PLEKHS1: variants seen among roughly 807,000 people sequenced by gnomAD.
PLEKHS1 encodes the protein pleckstrin homology domain containing S1.
In PLEKHS1, 55 loss-of-function variants were observed where a neutral mutation model predicts 51.0. The observed-to-expected ratio is 1.08, with a 90% CI of 0.87 to 1.35. PLEKHS1 has a LOEUF of 1.35. Among genes scored for constraint, PLEKHS1 ranks in the 40% most tolerant of loss-of-function variants. The pLI, the probability that PLEKHS1 is intolerant of heterozygous loss-of-function variation, is 0.00. For missense variants in PLEKHS1, 398 were observed against 423.0 expected (o/e 0.94, Z 0.52); for synonymous variants, 153 against 144.8 (o/e 1.06, Z -0.41).
chr10:113,778,042 T>C, intron 11 of PLEKHS1: 1 of 214,490 alleles, frequency 4.7e-6, no homozygotes, highest in Non-Finnish European at 9.6e-6. Context: ...ATGCACTAAG[T>C]ATGTTGTTTT....
intron 8 of PLEKHS1, 112 bp from the exon 9 acceptor site, chr10:113,774,115 C>T: frequency 1.6e-6 from 1 of 634,794 alleles, no homozygotes; most frequent in Non-Finnish European, 2.7e-6. Context: ...CACGTTCATC[C>T]ACTGGAAACT....
At chr10:113,763,367 G>C (rs1190146851) in intron 2 of PLEKHS1, among the ~76,000 whole-genome samples, 2 of 152,094 alleles carry the variant, frequency 1.3e-5, no homozygotes, top group African/African-American at 4.8e-5. Context: ...GCATAGAGTT[G>C]AGTCTTGCTT....
At chr10:113,765,948 G>T (rs535508824) in intron 2 of PLEKHS1, among the ~76,000 whole-genome samples, 1 of 152,294 alleles carries the variant, frequency 6.6e-6, no homozygotes, top group East Asian at 1.9e-4. Context: ...GTAATTCTGG[G>T]GAGGTGGCTG....
At position 113,760,094 on chromosome 10, in the gene PLEKHS1, T is replaced by G. The variant is rs117193832; in HGVS notation, c.28+4789T>G. 7.7e-3 allele frequency among the ~76,000 whole-genome samples: 1,167 copies of G among 152,328 alleles called. 18 individuals carry two copies. Among genetic ancestry groups the G allele is most frequent in the Non-Finnish European group, 8.1e-3 (553 of 68,022 alleles). On this transcript the variant is annotated intron_variant, in intron 2 of 11. Coordinates refer to ENST00000361048, the Ensembl canonical transcript of PLEKHS1. ...CCTATATGTTAGTTTGTATAGAACT[T>G]TATATAATCATGCAGTATGAACACT...
chr10:113,775,975 G>T lies in PLEKHS1; in HGVS notation c.1091+109G>T, dbSNP rs145922422. 9.1e-4 allele frequency: 682 copies of T among 747,332 alleles called. 2 individuals are homozygous for T. The African/African-American group carries it at 0.011, about 12-fold the overall frequency. The allele number at this position is 747,332 out of a possible 1,614,324, so 46.3% of individuals were successfully genotyped here. On this transcript the variant is annotated intron_variant, in intron 11 of 11. Coordinates refer to ENST00000361048, the Ensembl canonical transcript of PLEKHS1. The stretch of plus-strand genomic sequence containing the variant: ...TGGCAACACTGACTAGGTTTGGGGC[G>T]GGGGAGCTTGGACTGTTGACTGGCT...
exon 3 of PLEKHS1, chr10:113,766,499 G>A (rs1448028997): frequency 2.5e-6 from 4 of 1,599,910 alleles, no homozygotes; most frequent in African/African-American, 2.7e-5. Flanking sequence ...TCTCCTCTGT[G>A]GTAAGTATTT....
intron 2 of PLEKHS1, among the ~76,000 whole-genome samples, chr10:113,757,271 CTATTA>C (rs2134471517): frequency 6.6e-6 from 1 of 152,196 alleles, no homozygotes; most frequent in Admixed American, 6.5e-5. Context: ...ATACAATAAG[CTATTA>C]TATATCTAAA....
intron 11 of PLEKHS1, among the ~76,000 whole-genome samples, chr10:113,776,250 A>C (rs1173829550): frequency 6.6e-6 from 1 of 152,182 alleles, no homozygotes; most frequent in Non-Finnish European, 1.5e-5. Flanking sequence ...TAAAAGAAGA[A>C]AGCACATCAG....
At chr10:113,755,275 A>T (rs1564814801) in exon 2 of PLEKHS1, 1 of 1,608,630 alleles carries the variant, frequency 6.2e-7, no homozygotes, top group Non-Finnish European at 8.5e-7. Context: ...ACACACAGCC[A>T]TCATGGAACC....
intron 2 of PLEKHS1, among the ~76,000 whole-genome samples, chr10:113,757,677 C>T (rs571669978): frequency 6.6e-6 from 1 of 152,280 alleles, no homozygotes; most frequent in Non-Finnish European, 1.5e-5. Flanking sequence ...ATGAAGTTGA[C>T]CACATCGATT....
chr10:113,752,241 T>C (rs984138832), intron 1 of PLEKHS1, among the ~76,000 whole-genome samples: 1 of 152,222 alleles, frequency 6.6e-6, no homozygotes, highest in African/African-American at 2.4e-5. Flanking sequence ...GATAACCATT[T>C]CCTCGTCTGT....
intron 2 of PLEKHS1, among the ~76,000 whole-genome samples, chr10:113,759,475 C>G (rs1843819101): frequency 6.6e-6 from 1 of 152,212 alleles, no homozygotes. Context: ...GTTCTGTTTT[C>G]TCTCACTGTA....
Position 113,755,222 on chromosome 10 carries a change from T to C in PLEKHS1, c.-19-37T>C, listed in dbSNP as rs932459703. ...GCTGGTCAATGAAACACACGTAGTG[T>C]TGTTTGGGGACTAACACTAACCCTT... On this transcript the variant is annotated intron_variant, in intron 1 of 11. Coordinates refer to ENST00000361048, the Ensembl canonical transcript of PLEKHS1. 7 of 1,571,042 alleles carry C rather than the reference T, an allele frequency of 4.5e-6. No individual in the cohort carries two copies. The African/African-American group carries it at 9.6e-5, about 22-fold the overall frequency.
chr10:113,755,452 C>T (rs1216942123), intron 2 of PLEKHS1, 147 bp downstream of exon 2: 8 of 1,369,650 alleles, frequency 5.8e-6, no homozygotes, highest in East Asian at 5.8e-5. Flanking sequence ...TGCTCTGTTG[C>T]GTAGGCTGGA....
intron 11 of PLEKHS1, among the ~76,000 whole-genome samples, chr10:113,778,831 A>G (rs1391616220): frequency 6.6e-6 from 1 of 151,874 alleles, no homozygotes; most frequent in Non-Finnish European, 1.5e-5. Context: ...TTTTAGTAGA[A>G]ACAGGGTTTC....
intron 2 of PLEKHS1, among the ~76,000 whole-genome samples, chr10:113,760,480 A>T (rs958033151): frequency 6.6e-6 from 1 of 152,238 alleles, no homozygotes; most frequent in Admixed American, 6.5e-5. Flanking sequence ...ATCTCAAAAA[A>T]AAAAGAAAAA....
intron 6 of PLEKHS1, among the ~76,000 whole-genome samples, chr10:113,769,298 C>T (rs1329998458): frequency 1.3e-5 from 2 of 152,168 alleles, no homozygotes; most frequent in Non-Finnish European, 2.9e-5. Flanking sequence ...CATGTACATG[C>T]TTAGCAGTTT....
At chr10:113,782,210 G>A (rs1323600247) in exon 12 of PLEKHS1, 1 of 152,154 alleles carries the variant, frequency 6.6e-6, no homozygotes, top group Non-Finnish European at 1.5e-5. Context: ...GCCCCGGAGC[G>A]ATGAAAGGCA....
intron 8 of PLEKHS1, among the ~76,000 whole-genome samples, chr10:113,773,444 A>ATAAATAAATAAATAAATAAATAAGTAAG (rs1461103367): frequency 1.3e-5 from 2 of 152,202 alleles, no homozygotes; most frequent in African/African-American, 4.8e-5. Context: ...AAATAAATAA[A>ATAAATAAATAAATAAATAAATAAGTAAG]TAAGTAAAAA....
Sources: gnomAD v4.1 joint callset for allele counts (sites outside exome capture counted in the v4.1 genomes callset) on GRCh38, gnomAD v4.1.1 for gene constraint, MANE v1.5 for transcripts, NCBI Gene and HGNC (gene_info 2026-07-23, HGNC 2026-07-21) for gene names.